The following GRM6 variants were observed in gnomAD, a reference collection of about 807,000 sequenced individuals.
GRM6 encodes metabotropic glutamate receptor 6.
A neutral mutation model predicts 78.4 loss-of-function variants in GRM6; 73 were observed. The observed-to-expected ratio is 0.93, with a 90% CI of 0.77 to 1.13. The LOEUF is 1.13. Among genes scored for constraint, GRM6 ranks in the 50% most tolerant of loss-of-function variants. The pLI, the probability that GRM6 is intolerant of heterozygous loss-of-function variation, is 0.00. For synonymous variants in GRM6, 580 were observed against 555.0 expected (o/e 1.05, Z -0.63); for missense variants, 1,251 against 1,256.4 (o/e 1.00, Z 0.07).
In GRM6 at chr5:178,990,651, C is replaced by T. The variant is rs755939082; in HGVS notation, c.953G>A (p.Ser318Asn). The T allele has an allele frequency of 2.5e-5, 41 of 1,611,780 alleles. No homozygotes were observed. Among genetic ancestry groups the T allele is most frequent in the South Asian group, 1.7e-4 (15 of 90,564 alleles). ...GGCCCCAACGGCCACGTCCTCCAGGCTCAAGATGGGTGAGGTCTTGGCTCC... is the reference window on the plus strand; with the variant it reads ...GGCCCCAACGGCCACGTCCTCCAGGTTCAAGATGGGTGAGGTCTTGGCTCC... Reference protein sequence around the residue: ...SWGAKTSPILSLEDVAVGAIT... With the variant: ...SWGAKTSPILNLEDVAVGAIT... The change falls in exon 5 of 11, where the codon AGC (serine) becomes AAC (asparagine). Residue 318 changes from serine (S) to asparagine (N), a missense_variant. Transcript: ENST00000517717.
rs898967224 is a variant in GRM6, at chr5:178,983,440, C to T, written c.2125-219G>A. On this transcript the variant is annotated intron_variant, in intron 9 of 10. Transcript: ENST00000517717. ...GAGGGGTCCGTCCAAAGGCCCGTGA[C>T]CTGGCAGCTGCGGAGAAGGGCTGTG... is the stretch of plus-strand genomic sequence containing the variant. The T allele has an allele frequency of 5.7e-6, 4 of 697,716 alleles. No individual in the cohort carries two copies. The South Asian group carries it at 6.0e-5, about 10-fold the overall frequency. 43.2% of individuals were successfully genotyped at this position (697,716 alleles called of 1,614,324 possible).
chr5:178,987,443 C>T (rs910793658), intron 7 of GRM6: 9 of 457,482 alleles, frequency 2.0e-5, no homozygotes, highest in East Asian at 6.9e-5. Flanking sequence ...ACGAACACGA[C>T]GGGGCCATTC....
intron 5 of GRM6, 131 bp from the exon 6 acceptor site, chr5:178,989,536 C>T (rs567677581): frequency 1.7e-6 from 2 of 1,147,324 alleles, no homozygotes; most frequent in Middle Eastern, 2.8e-4. Context: ...GTGAACTAGG[C>T]ATGGCCAGGT....
intron 9 of GRM6, chr5:178,985,665 T>G (rs181279078): frequency 7.7e-6 from 3 of 391,978 alleles, no homozygotes; most frequent in South Asian, 1.9e-5. Flanking sequence ...ATAGTGCCAC[T>G]GCACTCCAGC....
In GRM6 at chr5:178,988,984, G is replaced by A; in HGVS notation, c.1305C>T (p.Pro435=). The A allele has an allele frequency of 6.2e-7, 1 of 1,614,036 alleles. No individual in the cohort carries two copies. The change falls in exon 7 of 11, where the codon CCC becomes CCT. Residue 435 remains proline, a synonymous_variant. Coordinates refer to ENST00000517717, the MANE Select transcript of GRM6 (RefSeq NM_000843.4). This position sits in a 1 kb window ranked among gnomAD's most constrained non-coding sequence, Gnocchi z 6.0. ...GHTGLCPAME[P]TDGRMLLQYI... Reference sequence around the variant, plus strand: ...ACTGCAGAAGCATCCGCCCATCAGTGGGTTCCATCGCCGGGCACAGGCCTG... The same window carrying A: ...ACTGCAGAAGCATCCGCCCATCAGTAGGTTCCATCGCCGGGCACAGGCCTG...
Position 178,986,563 on chromosome 5 carries a change from G to T in GRM6, c.1691C>A (p.Pro564His). The part of the protein sequence containing the change: ...TCEACPGDMR[P>H]TPNHTGCRPT... ...GCGGCAGCCCGTGTGGTTGGGCGTG[G>T]GCCTCATGTCCCCAGGACAGGCCTC... The change falls in exon 9 of 11, where the codon CCC becomes CAC. Residue 564 changes from proline to histidine, a missense_variant. Coordinates refer to ENST00000517717, the MANE Select transcript of GRM6 (RefSeq NM_000843.4). 1 of 1,607,876 alleles carries T rather than the reference G, an allele frequency of 6.2e-7. No individual in the cohort carries two copies.
chr5:178,985,442 G>T (rs1204935936), intron 9 of GRM6, among the ~76,000 whole-genome samples: 2 of 150,814 alleles, frequency 1.3e-5, no homozygotes, highest in Non-Finnish European at 2.9e-5. Flanking sequence ...AGCGGCTCCC[G>T]CCTGTCATCC....
At chr5:178,994,408 G>C in intron 2 of GRM6, 33 bp downstream of exon 2, 3 of 1,477,656 alleles carry the variant, frequency 2.0e-6, no homozygotes, top group Non-Finnish European at 2.7e-6. Flanking sequence ...GGAGAGGGAC[G>C]CTGGACACCG....
chr5:178,985,844 C>T (rs908839852), intron 9 of GRM6: 18 of 542,722 alleles, frequency 3.3e-5, no homozygotes, highest in African/African-American at 3.0e-4. Flanking sequence ...TCACAGCAAC[C>T]TTCAACTCTT....
chr5:178,991,986 GCCTGGTAGGAGTCGGGTGGCA>G lies in GRM6; in HGVS notation c.581_601del (p.Val194_Gln200del). ...CCTCACGATGTCCACCATGGCCTGC[GCCTGGTAGGAGTCGGGTGGCA>G]CCACCCGGGAGAAGAAGTCATAGCG... On this transcript the variant is annotated inframe_deletion, in exon 3 of 11. Coordinates refer to ENST00000517717, the MANE Select transcript of GRM6 (RefSeq NM_000843.4). The surrounding 1 kb of genome is among the most constrained non-coding windows in gnomAD (Gnocchi z 5.0). The G allele has an allele frequency of 6.2e-7, 1 of 1,613,794 alleles. No individual in the cohort carries two copies. Among genetic ancestry groups the G allele is most frequent in the Non-Finnish European group, 8.5e-7 (1 of 1,179,680 alleles).
At chr5:178,982,826 C>G (rs17078865) in intron 10 of GRM6, 84 bp downstream of exon 10, 8 of 969,946 alleles carry the variant, frequency 8.2e-6, no homozygotes, top group Non-Finnish European at 1.3e-5. Context: ...AACAAAAGCA[C>G]GAACAAGCAT....
Position 178,990,677 on chromosome 5 carries a change from C to T in GRM6, c.927G>A (p.Trp309Ter). The T allele has an allele frequency of 6.2e-7, 1 of 1,606,034 alleles. No homozygotes were observed. Among genetic ancestry groups the T allele is most frequent in the Non-Finnish European group, 8.5e-7 (1 of 1,176,958 alleles). ...TCAAGATGGGTGAGGTCTTGGCTCCCCAGCTGTCTGAGCCGACCCACAGGA... is the reference window on the plus strand; with the variant it reads ...TCAAGATGGGTGAGGTCTTGGCTCCTCAGCTGTCTGAGCCGACCCACAGGA... ...GHFLWVGSDSWGAKTSPILSL... is the reference protein window; with the variant it reads ...GHFLWVGSDS The change falls in exon 5 of 11, where the codon TGG becomes TGA. Residue 309 changes from tryptophan to a stop codon, truncating the protein, a stop_gained. Transcript: ENST00000517717. LOFTEE classifies it high-confidence loss of function.
intron 9 of GRM6, among the ~76,000 whole-genome samples, chr5:178,984,574 G>T (rs1193386329): frequency 1.3e-5 from 2 of 152,144 alleles, no homozygotes; most frequent in Non-Finnish European, 2.9e-5. Context: ...GGAGAGCTGG[G>T]GGTCCCCAAC....
In GRM6 at chr5:178,982,921, A is replaced by T. The variant is rs2113314313; in HGVS notation, c.2425T>A (p.Ser809Thr). ...FVPIFFGTAQSAEKIYIQTTT... is the reference protein window; with the variant it reads ...FVPIFFGTAQTAEKIYIQTTT... ...GGGGACCTCATTACCTTTTCAGCTGACTGGGCAGTGCCAAAGAAGATGGGC... is the reference window on the plus strand; with the variant it reads ...GGGGACCTCATTACCTTTTCAGCTGTCTGGGCAGTGCCAAAGAAGATGGGC... The change falls in exon 10 of 11, where the codon TCA becomes ACA. Residue 809 changes from serine to threonine, a missense_variant. Ser to Thr is a moderately conservative substitution (Grantham distance 58, BLOSUM62 1). Coordinates refer to ENST00000517717, the MANE Select transcript of GRM6 (RefSeq NM_000843.4). 12 of 1,613,664 alleles carry T rather than the reference A, an allele frequency of 7.4e-6. No individual in the cohort carries two copies. The highest frequency in any genetic ancestry group is 1.0e-5 in the Non-Finnish European group (12 of 1,179,554).
chr5:178,987,397 T>C (rs776712771), intron 7 of GRM6: 16 of 460,940 alleles, frequency 3.5e-5, no homozygotes, highest in South Asian at 2.2e-4. Context: ...AGCCACAAGA[T>C]GAAAGCAACC....
At chr5:178,989,225 C>T in intron 6 of GRM6, 40 bp downstream of exon 6, 5 of 1,111,108 alleles carry the variant, frequency 4.5e-6, no homozygotes, top group Non-Finnish European at 6.7e-6. Flanking sequence ...TCACCACCCT[C>T]CCCACCCTCC....
At position 178,985,208 on chromosome 5, in the gene GRM6, C is replaced by G. The variant is rs1018393410; in HGVS notation, c.2124+922G>C. ...AAAACCGGTCAGATAGCTCTTTGAC[C>G]TGTTTCCATATGTGAGCCAAATTGT... On this transcript the variant is annotated intron_variant, in intron 9 of 10. Transcript: ENST00000517717. 9 of 452,608 alleles carry G rather than the reference C, an allele frequency of 2.0e-5. No homozygotes were observed. In the Admixed American group the frequency reaches 2.1e-4, roughly 11 times the overall value. The allele number at this position is 452,608 out of a possible 1,614,324, so 28.0% of individuals were successfully genotyped here. A position where few individuals can be genotyped will look rare whatever the true frequency, so the allele number is the denominator to read the frequency against.
chr5:178,985,342 G>A (rs1427181537), intron 9 of GRM6: 12 of 443,584 alleles, frequency 2.7e-5, no homozygotes, highest in Admixed American at 2.5e-4. Context: ...CCCAGCAGGG[G>A]AGATGGCGGC....
chr5:178,985,824 C>A (rs115863581), intron 9 of GRM6: 4 of 525,578 alleles, frequency 7.6e-6, no homozygotes, highest in Non-Finnish European at 1.4e-5. Context: ...TGTAGTGGTG[C>A]GATCTTGGCT....
Sources: allele counts gnomAD v4.1 joint callset (sites outside exome capture counted in the v4.1 genomes callset), GRCh38; gene constraint gnomAD v4.1.1; non-coding constraint Gnocchi (gnomAD v3.1); transcripts MANE v1.5; gene names NCBI Gene and HGNC (gene_info 2026-07-23, HGNC 2026-07-21).